Variants in MTREX observed in about 807,000 individuals in gnomAD.
MTREX encodes exosome RNA helicase MTR4.
In MTREX, 76 loss-of-function variants were observed where a neutral mutation model predicts 135.4. The observed-to-expected ratio is 0.56, with a 90% CI of 0.47 to 0.68. The LOEUF (loss-of-function observed/expected upper bound fraction) is 0.68, where lower values mean the gene tolerates loss of function less well. Ranked by LOEUF, MTREX falls within the 30% of genes least tolerant of loss-of-function variation. The pLI is 0.00. For synonymous variants in MTREX, 404 were observed against 401.6 expected, an observed-to-expected ratio of 1.01 and a Z score of -0.07; for missense variants, 920 against 1,262.1, an observed-to-expected ratio of 0.73 and a Z score of 4.11.
chr5:55,381,521 G>C (rs1217830357), intron 18 of MTREX, among the ~76,000 whole-genome samples: 1 of 151,958 alleles, frequency 6.6e-6, no homozygotes, highest in African/African-American at 2.4e-5. Context: ...TTAACCCATT[G>C]GTTATTTAGG....
intron 5 of MTREX, among the ~76,000 whole-genome samples, chr5:55,334,748 C>G (rs1172812745): frequency 6.6e-6 from 1 of 152,088 alleles, no homozygotes; most frequent in Non-Finnish European, 1.5e-5. Context: ...ATTCCTATCT[C>G]TAGCCACAGG....
At chr5:55,314,731 T>G (rs1472216695) in intron 1 of MTREX, among the ~76,000 whole-genome samples, 7 of 152,220 alleles carry the variant, frequency 4.6e-5, no homozygotes, top group Non-Finnish European at 1.0e-4. Flanking sequence ...ATCGCCAACC[T>G]TTTTAGCACC....
At chr5:55,330,147 G>A (rs1286104695) in intron 5 of MTREX, among the ~76,000 whole-genome samples, 1 of 151,964 alleles carries the variant, frequency 6.6e-6, no homozygotes, top group Non-Finnish European at 1.5e-5. Context: ...GGCACAAACA[G>A]AGCTCATTTG....
chr5:55,367,328 T>C (rs1057206204), intron 16 of MTREX, among the ~76,000 whole-genome samples: 9 of 151,814 alleles, frequency 5.9e-5, no homozygotes, highest in African/African-American at 2.2e-4. Context: ...CTACTAAAAA[T>C]ACAAAAAATG....
chr5:55,350,305 A>G (rs1341426360), intron 12 of MTREX, among the ~76,000 whole-genome samples: 1 of 152,146 alleles, frequency 6.6e-6, no homozygotes, highest in Non-Finnish European at 1.5e-5. Flanking sequence ...TTTGTAAGGG[A>G]TTTTCCATAA....
chr5:55,354,613 G>A (rs1320867233), intron 14 of MTREX, among the ~76,000 whole-genome samples: 2 of 152,192 alleles, frequency 1.3e-5, no homozygotes, highest in Non-Finnish European at 2.9e-5. Context: ...AGAGGAATAC[G>A]AGTATGGTGA....
At chr5:55,316,890 G>A (rs770400216) in intron 1 of MTREX, among the ~76,000 whole-genome samples, 2 of 152,096 alleles carry the variant, frequency 1.3e-5, no homozygotes, top group Non-Finnish European at 2.9e-5. Context: ...CATAGTCTGG[G>A]CCCAAACACT....
chr5:55,351,780 A>G (rs1749832126), intron 13 of MTREX, among the ~76,000 whole-genome samples: 1 of 152,104 alleles, frequency 6.6e-6, no homozygotes, highest in Admixed American at 6.5e-5. Context: ...ATACCAAGAA[A>G]TGGGATATTA....
At chr5:55,403,212 AC>A (rs1750751956) in intron 21 of MTREX, among the ~76,000 whole-genome samples, 1 of 151,972 alleles carries the variant, frequency 6.6e-6, no homozygotes, top group African/African-American at 2.4e-5. Context: ...TTAAAAAAAA[AC>A]AAAAACAAAA....
intron 7 of MTREX, 88 bp from the exon 8 acceptor site, chr5:55,343,243 A>G: frequency 1.7e-6 from 2 of 1,198,392 alleles, no homozygotes; most frequent in Non-Finnish European, 2.3e-6. Flanking sequence ...TTCTAACTAT[A>G]AAGCTTCAGA....
At chr5:55,414,309 ATAATC>A (rs1750933334) in intron 24 of MTREX, 71 bp downstream of exon 24, 2 of 1,191,826 alleles carry the variant, frequency 1.7e-6, no homozygotes, top group Admixed American at 2.9e-5. Flanking sequence ...AACATTTTTG[ATAATC>A]TAATCATAGT....
At position 55,323,095 on chromosome 5, in the gene MTREX, T is replaced by A. The variant is rs552592620; in HGVS notation, c.272+631T>A. Among the ~76,000 whole-genome samples the A allele has an allele frequency of 2.6e-5, 4 of 152,298 alleles. No individual in the cohort carries two copies. The East Asian group carries it at 7.7e-4, about 29-fold the overall frequency. On this transcript the variant is annotated intron_variant, in intron 2 of 26. Coordinates refer to ENST00000230640, the MANE Select transcript of MTREX (RefSeq NM_015360.5). ...GTTTACAATTTCTGTGATTTTTTTT[T>A]AAAACCAGTTAACTTTTGTTACAGT...
At chr5:55,353,548 C>G (rs1400510570) in intron 14 of MTREX, among the ~76,000 whole-genome samples, 2 of 152,030 alleles carry the variant, frequency 1.3e-5, no homozygotes, top group East Asian at 3.9e-4. Context: ...ACAAAAAATG[C>G]AAAAATCACC....
chr5:55,313,931 T>C (rs1272518472), intron 1 of MTREX, among the ~76,000 whole-genome samples: 1 of 152,210 alleles, frequency 6.6e-6, no homozygotes, highest in Non-Finnish European at 1.5e-5. Flanking sequence ...CTGTTCATCT[T>C]TTTTTACTTG....
chr5:55,342,639 TTAAAA>T (rs1749670518), intron 7 of MTREX, among the ~76,000 whole-genome samples: 1 of 152,206 alleles, frequency 6.6e-6, no homozygotes, highest in African/African-American at 2.4e-5. Context: ...ATGTACACGC[TTAAAA>T]TAAGATTTAG....
intron 20 of MTREX, among the ~76,000 whole-genome samples, chr5:55,398,239 CTT>C (rs1409266350): frequency 6.9e-6 from 1 of 145,666 alleles, no homozygotes; most frequent in Non-Finnish European, 1.5e-5. Flanking sequence ...GAACTTGTCT[CTT>C]TTAAGAAAAA....
chr5:55,345,402 A>G (rs959002091), intron 10 of MTREX, among the ~76,000 whole-genome samples: 3 of 152,156 alleles, frequency 2.0e-5, no homozygotes, highest in Non-Finnish European at 4.4e-5. Context: ...TATACAATTC[A>G]GTAGTCTTTA....
rs1358018399 is a variant in MTREX at position 55,308,097 on chromosome 5, A to G, written c.84A>G (p.Glu28=). The G allele has an allele frequency of 6.2e-7, 1 of 1,613,924 alleles. No individual in the cohort carries two copies. Among genetic ancestry groups the G allele is most frequent in the Non-Finnish European group, 8.5e-7 (1 of 1,179,936 alleles). ...CGGCGGGAACCAAAAAAGACAAGGA[A>G]AAGGACAAGGGGAAATGGAAGGGGC... is the stretch of plus-strand genomic sequence containing the variant. The part of the protein sequence containing the change: ...TTAAGTKKDK[E]KDKGKWKGPP... Residue 28 remains glutamate, a synonymous_variant, in exon 1 of 27, where the codon GAA becomes GAG. Transcript: ENST00000230640.
chr5:55,308,134 G>C lies in MTREX; in HGVS notation c.121G>C (p.Ala41Pro). The change falls in exon 1 of 27, where the codon GCA becomes CCA. Residue 41 changes from alanine to proline, a missense_variant. Physicochemically the swap from Ala to Pro is conservative, Grantham distance 27 (BLOSUM62 -1). Coordinates refer to ENST00000230640, the MANE Select transcript of MTREX (RefSeq NM_015360.5). ...KGKWKGPPGS[A>P]DKAGKRFDGK... ...GAAATGGAAGGGGCCTCCAGGGTCT[G>C]CAGACAAGGCAGGGTAAGGAAGAAG... 1.2e-6 allele frequency: 2 copies of C among 1,603,988 alleles called. No homozygotes were observed. Among genetic ancestry groups the C allele is most frequent in the South Asian group, 1.1e-5 (1 of 90,042 alleles).
Sources: allele counts gnomAD v4.1 joint callset (sites outside exome capture counted in the v4.1 genomes callset), GRCh38; gene constraint gnomAD v4.1.1; transcripts MANE v1.5; gene names NCBI Gene and HGNC (gene_info 2026-07-23, HGNC 2026-07-21).